PRELID2: variants seen among roughly 807,000 people sequenced by gnomAD.
PRELID2 encodes the protein PRELI domain-containing protein 2.
A neutral mutation model predicts 28.4 loss-of-function variants in PRELID2; 25 were observed. The ratio of observed to expected loss-of-function variants is 0.88; its 90% confidence interval spans 0.64 to 1.23. The LOEUF (loss-of-function observed/expected upper bound fraction) is 1.23. Among genes scored for constraint, PRELID2 ranks in the 50% most tolerant of loss-of-function variants. The probability of loss-of-function intolerance (pLI) is 0.00; values close to 1 mark genes in which losing one functional copy is unlikely to be tolerated. For synonymous variants in PRELID2, 76 were observed against 71.6 expected, an observed-to-expected ratio of 1.06 and a Z score of -0.31; for missense variants, 201 against 214.4, an observed-to-expected ratio of 0.94 and a Z score of 0.39.
intron 1 of PRELID2, among the ~76,000 whole-genome samples, chr5:145,580,458 T>C (rs1014487430): frequency 4.6e-5 from 7 of 152,044 alleles, no homozygotes; most frequent in Non-Finnish European, 7.4e-5. Context: ...TTCTATACCA[T>C]TCCCTAACAT....
chr5:145,702,845 T>C (rs1339022456), intron 1 of PRELID2, among the ~76,000 whole-genome samples: 1 of 152,192 alleles, frequency 6.6e-6, no homozygotes, highest in Non-Finnish European at 1.5e-5. Context: ...TCAGAGAAGA[T>C]ACCACTTCTA....
intron 1 of PRELID2, among the ~76,000 whole-genome samples, chr5:145,549,997 G>C (rs138947753): frequency 1.3e-5 from 2 of 152,126 alleles, no homozygotes; most frequent in Admixed American, 1.3e-4. Flanking sequence ...GCATTGAGGA[G>C]GGTGGGAAGG....
chr5:145,716,209 C>T (rs1205885697), intron 1 of PRELID2, among the ~76,000 whole-genome samples: 1 of 152,178 alleles, frequency 6.6e-6, no homozygotes, highest in Non-Finnish European at 1.5e-5. Context: ...CAAAACCTAT[C>T]CTGTCTTGTT....
chr5:145,399,527 TA>T, the PRELID2 span, among the ~76,000 whole-genome samples: 3 of 152,090 alleles, frequency 2.0e-5, no homozygotes, highest in Non-Finnish European at 4.4e-5. Flanking sequence ...GAATCTAACA[TA>T]AATACCTCCT....
chr5:145,315,064 C>CTTTTTTTTT, the PRELID2 span, among the ~76,000 whole-genome samples: 1 of 100,590 alleles, frequency 9.9e-6, no homozygotes, highest in Non-Finnish European at 2.0e-5. Flanking sequence ...TACAATAATT[C>CTTTTTTTTT]TTTTTTTTTT....
At chr5:145,337,877 C>G in the PRELID2 span, 3 of 151,260 alleles carry the variant, frequency 2.0e-5, no homozygotes, top group Non-Finnish European at 4.4e-5. Context: ...TTCTTGTTCA[C>G]CAACCTGGAA....
intron 1 of PRELID2, among the ~76,000 whole-genome samples, chr5:145,630,129 CATGG>C (rs61612357): frequency 0.013 from 2,004 of 150,934 alleles, 42 homozygotes; most frequent in African/African-American, 0.047. Flanking sequence ...TGTTTGGATG[CATGG>C]ATGGATGGAT....
chr5:145,398,818 G>A, the PRELID2 span, among the ~76,000 whole-genome samples: 1 of 152,120 alleles, frequency 6.6e-6, no homozygotes, highest in Admixed American at 6.6e-5. Flanking sequence ...AAGAATGCGT[G>A]AGAGGAGTGT....
chr5:145,629,287 T>C (rs940457897), intron 1 of PRELID2, among the ~76,000 whole-genome samples: 7 of 152,308 alleles, frequency 4.6e-5, no homozygotes, highest in African/African-American at 1.7e-4. Flanking sequence ...AGAGTATGAG[T>C]AGCCTGGTGT....
At chr5:145,696,794 G>A (rs979404408) in intron 1 of PRELID2, among the ~76,000 whole-genome samples, 4 of 151,756 alleles carry the variant, frequency 2.6e-5, no homozygotes, top group African/African-American at 9.7e-5. Context: ...AATCATTACA[G>A]TTCTTAACAT....
chr5:145,717,361 T>C (rs1208162232), intron 1 of PRELID2, among the ~76,000 whole-genome samples: 1 of 152,110 alleles, frequency 6.6e-6, no homozygotes, highest in Non-Finnish European at 1.5e-5. Flanking sequence ...GTTGCTCAAC[T>C]TTGTGAATAT....
the PRELID2 span, among the ~76,000 whole-genome samples, chr5:145,310,035 A>G: frequency 6.6e-6 from 1 of 152,334 alleles, no homozygotes; most frequent in Admixed American, 6.5e-5. Context: ...TAGACTATTT[A>G]TTACTTATGC....
chr5:145,717,732 T>G (rs1418791307), intron 1 of PRELID2, among the ~76,000 whole-genome samples: 1 of 151,306 alleles, frequency 6.6e-6, no homozygotes, highest in Non-Finnish European at 1.5e-5. Context: ...AAAATTATAA[T>G]AAAATATTAT....
At chr5:145,801,571 A>T (rs1753144487) in intron 4 of PRELID2, among the ~76,000 whole-genome samples, 1 of 152,280 alleles carries the variant, frequency 6.6e-6, no homozygotes, top group Non-Finnish European at 1.5e-5. Context: ...TATATCAGAC[A>T]TTGTATTACC....
chr5:145,414,146 T>C, the PRELID2 span, among the ~76,000 whole-genome samples: 2 of 152,100 alleles, frequency 1.3e-5, no homozygotes, highest in Non-Finnish European at 2.9e-5. Flanking sequence ...ATATACCATA[T>C]CCCTTCCTCC....
At position 145,758,604 on chromosome 5, in the gene PRELID2, T is replaced by C. The variant is rs1392714101; in HGVS notation, c.*1932A>G. On this transcript the variant is annotated 3_prime_UTR_variant, in exon 7 of 7. Transcript: ENST00000683046. The stretch of plus-strand genomic sequence containing the variant: ...AGTTTTTGAGTGTGAAGGGTTAAAC[T>C]TACTCTAATGTCAACCTCCAAATAC... 6.6e-6 allele frequency among the ~76,000 whole-genome samples: 1 copy of C among 152,124 alleles called. No individual in the cohort carries two copies. Among genetic ancestry groups the C allele is most frequent in the African/African-American group, 2.4e-5 (1 of 41,402 alleles).
chr5:145,808,072 C>T (rs1163091695), intron 4 of PRELID2, among the ~76,000 whole-genome samples: 1 of 152,032 alleles, frequency 6.6e-6, no homozygotes, highest in East Asian at 1.9e-4. Context: ...GTGCTTTCTG[C>T]TAATTGTTTG....
chr5:145,396,828 A>ATTACTAAGGGTAATTAGTAAGACTTCTC, the PRELID2 span, among the ~76,000 whole-genome samples: 1,413 of 152,168 alleles, frequency 9.3e-3, 17 homozygotes, highest in East Asian at 0.041. Flanking sequence ...ATGAAGACTA[A>ATTACTAAGGGTAATTAGTAAGACTTCTC]TTACTAAGGT....
intron 1 of PRELID2, among the ~76,000 whole-genome samples, chr5:145,632,491 T>C (rs918383480): frequency 2.0e-5 from 3 of 152,226 alleles, no homozygotes; most frequent in African/African-American, 7.2e-5. Flanking sequence ...TTCTTGTATA[T>C]AGAGAATTTA....
Sources: allele counts gnomAD v4.1 joint callset (sites outside exome capture counted in the v4.1 genomes callset), GRCh38; gene constraint gnomAD v4.1.1; transcripts MANE v1.5; gene names NCBI Gene and HGNC (gene_info 2026-07-23, HGNC 2026-07-21).